PLCL2: variants seen among roughly 807,000 people sequenced by gnomAD.
PLCL2 encodes inactive phospholipase C-like protein 2.
PLCL2 carries 4 observed loss-of-function variants against 79.6 expected under a neutral mutation model. That is an observed-to-expected ratio of 0.05 (90% CI 0.02 to 0.11). PLCL2 has a LOEUF of 0.11. PLCL2 is among the 10% of genes least tolerant of loss of function. PLCL2 has a pLI of 1.00. For missense variants in PLCL2, 895 were observed against 1,291.0 expected (o/e 0.69, Z 4.70); for synonymous variants, 484 against 457.7 (o/e 1.06, Z -0.73).
chr3:17,033,883 G>T (rs1359521765), intron 3 of PLCL2, among the ~76,000 whole-genome samples: 1 of 151,922 alleles, frequency 6.6e-6, no homozygotes. Context: ...CTTTTTTTAT[G>T]TGTCACTGCA....
intron 1 of PLCL2, among the ~76,000 whole-genome samples, chr3:16,900,794 C>T (rs1190209353): frequency 6.6e-6 from 1 of 152,180 alleles, no homozygotes. Flanking sequence ...TCACACTAGA[C>T]TTTGGCAAGG....
At chr3:17,013,875 T>A (rs1170377850) in intron 2 of PLCL2, among the ~76,000 whole-genome samples, 1 of 152,232 alleles carries the variant, frequency 6.6e-6, no homozygotes, top group Non-Finnish European at 1.5e-5. Context: ...CTCCTTCACT[T>A]ACTAGCTGTG....
rs565623155 is a variant in PLCL2, at chr3:16,951,618, G to A, written c.328-58056G>A. On this transcript the variant is annotated intron_variant, in intron 1 of 5. Coordinates refer to ENST00000615277, the MANE Select transcript of PLCL2 (RefSeq NM_001144382.2). ...AATTTTTGGCGACTTACTTTTTATT[G>A]TTCTCATTTTCTAAACCAGCATTTA... 2.3e-3 allele frequency among the ~76,000 whole-genome samples: 343 copies of A among 150,790 alleles called. 3 individuals carry two copies. The highest frequency in any genetic ancestry group is 6.8e-3 in the Middle Eastern group (2 of 292).
intron 1 of PLCL2, among the ~76,000 whole-genome samples, chr3:16,993,614 G>A (rs773691671): frequency 5.9e-5 from 9 of 152,182 alleles, no homozygotes; most frequent in Non-Finnish European, 1.3e-4. Context: ...TAATTAGCTT[G>A]CAGGTAGAAT....
intron 1 of PLCL2, among the ~76,000 whole-genome samples, chr3:16,905,291 G>A (rs892579164): frequency 2.0e-5 from 3 of 152,134 alleles, no homozygotes; most frequent in African/African-American, 7.2e-5. Context: ...TCCTAGCCTG[G>A]CAGAGTGGTC....
At chr3:17,088,162 A>G (rs930088601) in intron 5 of PLCL2, among the ~76,000 whole-genome samples, 4 of 152,202 alleles carry the variant, frequency 2.6e-5, no homozygotes, top group African/African-American at 9.6e-5. Context: ...TTTGGGCCTC[A>G]TGACGGTTTA....
chr3:16,941,072 G>T (rs984602275), intron 1 of PLCL2, among the ~76,000 whole-genome samples: 3 of 152,032 alleles, frequency 2.0e-5, no homozygotes, highest in Non-Finnish European at 4.4e-5. Flanking sequence ...TGACCTCTTT[G>T]GCCTTTTCCT....
Position 17,010,276 on chromosome 3 carries a change from T to C in PLCL2, c.930T>C (p.Leu310=), listed in dbSNP as rs1474774961. Residue 310 remains leucine, a synonymous_variant, in exon 2 of 6, where the codon CTT becomes CTC. Transcript: ENST00000615277. This position sits in a 1 kb window ranked among gnomAD's most constrained non-coding sequence, Gnocchi z 5.8. ...NPGLKTSKIE[L]KFKELHKSKD... ...GTTTAAAAACGAGCAAAATTGAGCT[T>C]AAGTTCAAAGAATTGCATAAATCAA... 2 of 1,614,066 alleles carry C rather than the reference T, an allele frequency of 1.2e-6. No individual in the cohort carries two copies. Among genetic ancestry groups the C allele is most frequent in the Admixed American group, 1.7e-5 (1 of 60,004 alleles).
chr3:16,995,423 CT>C (rs2064144093), intron 1 of PLCL2, among the ~76,000 whole-genome samples: 1 of 152,220 alleles, frequency 6.6e-6, no homozygotes, highest in Non-Finnish European at 1.5e-5. Flanking sequence ...AACGTGCACT[CT>C]CAGGCCGCAG....
intron 1 of PLCL2, among the ~76,000 whole-genome samples, chr3:16,946,939 A>G (rs1030109116): frequency 2.1e-5 from 3 of 143,562 alleles, no homozygotes; most frequent in Admixed American, 2.1e-4. Flanking sequence ...TGAATATAAA[A>G]TTAAAGTTTC....
intron 1 of PLCL2, among the ~76,000 whole-genome samples, chr3:17,005,465 A>AT (rs1466871364): frequency 6.6e-6 from 1 of 152,156 alleles, no homozygotes; most frequent in Non-Finnish European, 1.5e-5. Flanking sequence ...GTGGCCTCCT[A>AT]TTTTTAGTGA....
chr3:16,893,698 A>G (rs1358158609), intron 1 of PLCL2, among the ~76,000 whole-genome samples: 8 of 152,236 alleles, frequency 5.3e-5, no homozygotes, highest in Admixed American at 5.2e-4. Flanking sequence ...GTAATACTGC[A>G]GTATGTGAGT....
At chr3:17,006,824 T>C (rs2064265591) in intron 1 of PLCL2, among the ~76,000 whole-genome samples, 1 of 152,212 alleles carries the variant, frequency 6.6e-6, no homozygotes, top group South Asian at 2.1e-4. Flanking sequence ...TCCACATACA[T>C]GGGTATGTGA....
At chr3:17,002,180 A>T (rs2064218346) in intron 1 of PLCL2, among the ~76,000 whole-genome samples, 1 of 152,148 alleles carries the variant, frequency 6.6e-6, no homozygotes, top group Non-Finnish European at 1.5e-5. Context: ...GTTGACATAC[A>T]GTAATGATAC....
intron 3 of PLCL2, among the ~76,000 whole-genome samples, chr3:17,016,705 A>G (rs1005368417): frequency 6.6e-6 from 1 of 152,234 alleles, no homozygotes. Context: ...TTTACATGCT[A>G]TGAACCAGAC....
At chr3:17,070,127 T>C (rs958554184) in intron 5 of PLCL2, among the ~76,000 whole-genome samples, 1 of 152,204 alleles carries the variant, frequency 6.6e-6, no homozygotes, top group African/African-American at 2.4e-5. Flanking sequence ...TTCCTACTCA[T>C]GTGTGGTCCG....
chr3:17,045,578 C>T (rs1027257504), intron 4 of PLCL2, among the ~76,000 whole-genome samples: 2 of 152,126 alleles, frequency 1.3e-5, no homozygotes, highest in Non-Finnish European at 2.9e-5. Flanking sequence ...GGAAACAACT[C>T]GGAGATGCGC....
chr3:17,046,568 C>T (rs1432558942), intron 4 of PLCL2, among the ~76,000 whole-genome samples: 4 of 152,176 alleles, frequency 2.6e-5, no homozygotes, highest in Non-Finnish European at 4.4e-5. Context: ...AAATCAATGA[C>T]ATCCTGTTAA....
In PLCL2 at chr3:16,972,447, T is replaced by C. The variant is rs189428311; in HGVS notation, c.328-37227T>C. ...GTGGTCAGTTTTAGAGTACGTGCCA[T>C]GTGCAAATAAGAAGAATGTATATTC... On this transcript the variant is annotated intron_variant, in intron 1 of 5. Transcript: ENST00000615277. Among the ~76,000 whole-genome samples, 312 of 152,300 alleles carry C rather than the reference T, an allele frequency of 2.0e-3. 1 individual carries two copies. The highest frequency in any genetic ancestry group is 5.8e-3 in the African/African-American group (241 of 41,570).
Sources: allele counts gnomAD v4.1 joint callset (sites outside exome capture counted in the v4.1 genomes callset), GRCh38; gene constraint gnomAD v4.1.1; non-coding constraint Gnocchi (gnomAD v3.1); transcripts MANE v1.5; gene names NCBI Gene and HGNC (gene_info 2026-07-23, HGNC 2026-07-21).